Variants in DIS3L2 observed in about 807,000 individuals in gnomAD.
DIS3L2 encodes the protein DIS3 like 3'-5' exoribonuclease 2, also known as DIS3-like exonuclease 2.
DIS3L2 carries 34 observed loss-of-function variants against 97.5 expected under a neutral mutation model. The ratio of observed to expected loss-of-function variants is 0.35; its 90% CI spans 0.27 to 0.46. DIS3L2 has a LOEUF of 0.46. Among genes scored for constraint, DIS3L2 ranks in the 20% least tolerant of loss-of-function variants. The pLI, the probability that DIS3L2 is intolerant of heterozygous loss-of-function variation, is 1.00. For missense variants in DIS3L2, 1,038 were observed against 1,146.0 expected (o/e 0.91, Z 1.36); for synonymous variants, 435 against 445.2 (o/e 0.98, Z 0.29).
chr2:232,343,600 C>A, exon 14 of DIS3L2: 7 of 1,567,640 alleles, frequency 4.5e-6, no homozygotes, highest in Non-Finnish European at 6.1e-6. Context: ...TTCCTTGTGG[C>A]GGAGAAGGAA....
intron 1 of DIS3L2, among the ~76,000 whole-genome samples, chr2:232,009,389 A>G (rs1286908280): frequency 1.3e-5 from 2 of 152,134 alleles, no homozygotes; most frequent in South Asian, 4.2e-4. Flanking sequence ...TGGCTGGACT[A>G]ATTAATTCCA....
At chr2:232,073,580 T>C (rs1343719492) in intron 5 of DIS3L2, among the ~76,000 whole-genome samples, 2 of 152,172 alleles carry the variant, frequency 1.3e-5, no homozygotes, top group African/African-American at 2.4e-5. Context: ...TCTTTAATGA[T>C]GGTCTTTGAG....
chr2:232,175,214 T>C (rs1282051786), intron 9 of DIS3L2, among the ~76,000 whole-genome samples: 20 of 152,138 alleles, frequency 1.3e-4, no homozygotes, highest in Admixed American at 1.3e-3. Context: ...CTAGTCCTGA[T>C]TTATTGAGTG....
At chr2:232,131,247 A>G (rs1244445265) in intron 7 of DIS3L2, 1 of 152,168 alleles carries the variant, frequency 6.6e-6, no homozygotes, top group Non-Finnish European at 1.5e-5. Context: ...TTCTTTAATT[A>G]TAGAAGCTAG....
At chr2:232,086,611 GTGTATATA>G (rs1157274121) in intron 5 of DIS3L2, among the ~76,000 whole-genome samples, 1 of 58,072 alleles carries the variant, frequency 1.7e-5, no homozygotes. Flanking sequence ...ATGTGTGTGT[GTGTATATA>G]TATATATATA....
chr2:232,071,211 C>T lies in DIS3L2; in HGVS notation c.367-16276C>T, dbSNP rs527705340. Reference sequence around the variant, plus strand: ...ATCAGAAAGAGAGAGACAGATCCTGCTGTTCTGAGTTGTTAGAGACCTATT... The same window carrying T: ...ATCAGAAAGAGAGAGACAGATCCTGTTGTTCTGAGTTGTTAGAGACCTATT... On this transcript the variant is annotated intron_variant, in intron 5 of 20. Coordinates refer to ENST00000325385, the MANE Select transcript of DIS3L2 (RefSeq NM_152383.5). Among the ~76,000 whole-genome samples the T allele has an allele frequency of 3.0e-4, 45 of 152,228 alleles. 1 individual carries two copies. In the South Asian group the frequency reaches 8.5e-3, roughly 29 times the overall value.
intron 9 of DIS3L2, among the ~76,000 whole-genome samples, chr2:232,199,332 A>G (rs1272922925): frequency 6.6e-6 from 1 of 152,178 alleles, no homozygotes; most frequent in Non-Finnish European, 1.5e-5. Context: ...GTGGCCATGA[A>G]GGGCCTGAAT....
intron 5 of DIS3L2, among the ~76,000 whole-genome samples, chr2:232,041,374 G>C (rs1695108290): frequency 6.6e-6 from 1 of 152,156 alleles, no homozygotes; most frequent in South Asian, 2.1e-4. Flanking sequence ...AGGAGGAAGG[G>C]GGTCCTACTG....
chr2:232,137,862 T>C (rs997699305), intron 8 of DIS3L2, among the ~76,000 whole-genome samples: 2 of 152,156 alleles, frequency 1.3e-5, no homozygotes, highest in Non-Finnish European at 2.9e-5. Context: ...TAACTAATTA[T>C]CCAAAAGTGA....
chr2:232,130,890 G>A lies in DIS3L2; in HGVS notation c.702+171G>A, dbSNP rs531931390. The A allele has an allele frequency of 1.6e-5, 16 of 982,372 alleles. No homozygotes were observed. The South Asian group carries it at 2.6e-4, about 16-fold the overall frequency. The allele number at this position is 982,372 out of a possible 1,614,324, so 60.9% of individuals were successfully genotyped here. ...AAAAAAACTTTAAACATATAAATACGAATCCATCTTCCTGCCTTTGGATAA... is the reference window on the plus strand; with the variant it reads ...AAAAAAACTTTAAACATATAAATACAAATCCATCTTCCTGCCTTTGGATAA... On this transcript the variant is annotated intron_variant, in intron 7 of 20. Coordinates refer to ENST00000325385, the MANE Select transcript of DIS3L2 (RefSeq NM_152383.5).
At chr2:232,146,909 A>C (rs1408743239) in intron 8 of DIS3L2, among the ~76,000 whole-genome samples, 4 of 152,218 alleles carry the variant, frequency 2.6e-5, no homozygotes, top group Non-Finnish European at 5.9e-5. Flanking sequence ...AAAGTCACTC[A>C]GAATCCTCTC....
At chr2:232,075,239 C>T (rs1696149633) in intron 5 of DIS3L2, among the ~76,000 whole-genome samples, 1 of 152,150 alleles carries the variant, frequency 6.6e-6, no homozygotes. Context: ...GTCATTTCCT[C>T]CTCTGTGAGA....
intron 6 of DIS3L2, among the ~76,000 whole-genome samples, chr2:232,129,620 G>A (rs759760505): frequency 6.6e-6 from 1 of 152,182 alleles, no homozygotes; most frequent in Non-Finnish European, 1.5e-5. Context: ...CTTAAACCCC[G>A]GTAGGTCAGA....
chr2:232,261,463 C>T (rs1693709629), intron 12 of DIS3L2, among the ~76,000 whole-genome samples: 1 of 152,200 alleles, frequency 6.6e-6, no homozygotes, highest in South Asian at 2.1e-4. Flanking sequence ...TATCCTTAAC[C>T]TGGTGCTTCC....
At chr2:232,027,737 G>A (rs975480388) in intron 4 of DIS3L2, among the ~76,000 whole-genome samples, 14 of 152,068 alleles carry the variant, frequency 9.2e-5, no homozygotes, top group African/African-American at 3.1e-4. Flanking sequence ...ACAGAAAGTT[G>A]GTTTTCATTT....
At position 232,118,397 on chromosome 2, in the gene DIS3L2, A is replaced by G. The variant is rs75595549; in HGVS notation, c.602-12222A>G. ...CTATCAGCCTTTACTTATTTCTTCC[A>G]ACCAAGTGTGTGATCTTTTCCTTTT... On this transcript the variant is annotated intron_variant, in intron 6 of 20. Coordinates refer to ENST00000325385, the MANE Select transcript of DIS3L2 (RefSeq NM_152383.5). 4.7e-3 allele frequency among the ~76,000 whole-genome samples: 718 copies of G among 152,322 alleles called. 7 individuals carry two copies. The highest frequency in any genetic ancestry group is 0.017 in the Middle Eastern group (5 of 294).
chr2:232,299,997 G>C, intron 13 of DIS3L2, 43 bp from the exon 14 acceptor site: 13 of 1,573,974 alleles, frequency 8.3e-6, no homozygotes, highest in South Asian at 1.1e-5. Context: ...AATGAATAGA[G>C]CATGCTGCCT....
chr2:232,204,339 A>G (rs1394641038), intron 9 of DIS3L2, among the ~76,000 whole-genome samples: 3 of 152,204 alleles, frequency 2.0e-5, no homozygotes, highest in African/African-American at 4.8e-5. Context: ...GTTATTTCCT[A>G]GGGTTCTTGG....
intron 12 of DIS3L2, among the ~76,000 whole-genome samples, chr2:232,261,378 C>T (rs574200437): frequency 3.0e-4 from 46 of 152,292 alleles, no homozygotes; most frequent in Non-Finnish European, 6.2e-4. Context: ...CATTCCAAAG[C>T]GCTCCTTCCC....
Sources: gnomAD v4.1 joint callset for allele counts (sites outside exome capture counted in the v4.1 genomes callset) on GRCh38, gnomAD v4.1.1 for gene constraint, MANE v1.5 for transcripts, NCBI Gene and HGNC (gene_info 2026-07-23, HGNC 2026-07-21) for gene names.